CTNND2: variants seen among roughly 807,000 people sequenced by gnomAD.
CTNND2 encodes the protein catenin delta 2, also known as catenin delta-2.
In CTNND2, 22 loss-of-function variants were observed where a neutral mutation model predicts 144.4. The ratio of observed to expected loss-of-function variants is 0.15; its 90% CI spans 0.11 to 0.22. The LOEUF (loss-of-function observed/expected upper bound fraction) is 0.22, where lower values mean the gene tolerates loss of function less well. CTNND2 is among the 10% of genes least tolerant of loss of function. CTNND2 has a pLI of 1.00. For synonymous variants in CTNND2, 751 were observed against 695.6 expected, an observed-to-expected ratio of 1.08 and a Z score of -1.25; for missense variants, 1,353 against 1,618.8, an observed-to-expected ratio of 0.84 and a Z score of 2.82.
At chr5:11,626,831 C>T (rs936625873) in intron 2 of CTNND2, among the ~76,000 whole-genome samples, 1 of 152,194 alleles carries the variant, frequency 6.6e-6, no homozygotes, top group Non-Finnish European at 1.5e-5. Flanking sequence ...TGCATGAGCA[C>T]ACACATTCAC....
intron 1 of CTNND2, among the ~76,000 whole-genome samples, chr5:11,890,846 G>A (rs1217668212): frequency 1.3e-5 from 2 of 152,214 alleles, no homozygotes; most frequent in Admixed American, 6.5e-5. Flanking sequence ...AAAGTGGCTA[G>A]AGCCTAATAA....
intron 2 of CTNND2, among the ~76,000 whole-genome samples, chr5:11,699,595 T>C (rs1785324748): frequency 6.6e-6 from 1 of 152,092 alleles, no homozygotes; most frequent in African/African-American, 2.4e-5. Context: ...TATCATGAAT[T>C]GCAGAGAAAA....
intron 16 of CTNND2, among the ~76,000 whole-genome samples, chr5:11,061,821 GC>G (rs1192108127): frequency 3.9e-5 from 6 of 152,094 alleles, no homozygotes; most frequent in Non-Finnish European, 8.8e-5. Flanking sequence ...TGATTTTCCT[GC>G]CTCAGCCTCT....
chr5:11,127,758 C>T lies in CTNND2; in HGVS notation c.2160-10191G>A, dbSNP rs192172262. On this transcript the variant is annotated intron_variant, in intron 12 of 21. Transcript: ENST00000304623. ...GGTTCACAGACGGAGAGAAGTTCTT[C>T]CCCAGGAGCTGTACTTAACAGATTA... Among the ~76,000 whole-genome samples, 562 of 152,292 alleles carry T rather than the reference C, an allele frequency of 3.7e-3. 13 individuals carry two copies. Among genetic ancestry groups the T allele is most frequent in the Admixed American group, 0.031 (475 of 15,292 alleles).
chr5:11,714,267 AC>A, intron 2 of CTNND2, among the ~76,000 whole-genome samples: 1 of 152,292 alleles, frequency 6.6e-6, no homozygotes, highest in Middle Eastern at 3.4e-3. Flanking sequence ...AAATGCCTCA[AC>A]ACCTCTTTAA....
At chr5:11,812,094 T>C (rs141289865) in intron 1 of CTNND2, among the ~76,000 whole-genome samples, 2 of 152,248 alleles carry the variant, frequency 1.3e-5, no homozygotes, top group East Asian at 3.9e-4. Context: ...AGGTTCCAAA[T>C]AGTCAAAACT....
At chr5:11,564,259 G>A (rs1018737412) in intron 3 of CTNND2, among the ~76,000 whole-genome samples, 13 of 152,144 alleles carry the variant, frequency 8.5e-5, no homozygotes, top group African/African-American at 2.4e-4. Context: ...TAACAAGAGC[G>A]TTTTTGAGAA....
intron 11 of CTNND2, among the ~76,000 whole-genome samples, chr5:11,169,012 C>T (rs1417967342): frequency 6.6e-6 from 1 of 152,118 alleles, no homozygotes; most frequent in Non-Finnish European, 1.5e-5. Flanking sequence ...TAAGTGCTTG[C>T]TCTAGGAAAC....
intron 1 of CTNND2, among the ~76,000 whole-genome samples, chr5:11,890,048 G>A (rs1000567452): frequency 3.3e-5 from 5 of 152,054 alleles, no homozygotes; most frequent in Admixed American, 2.0e-4. Flanking sequence ...TATATGTTGT[G>A]TACTTCCAAT....
chr5:11,007,817 G>A (rs1450547740), intron 18 of CTNND2, among the ~76,000 whole-genome samples: 1 of 152,222 alleles, frequency 6.6e-6, no homozygotes, highest in Non-Finnish European at 1.5e-5. Context: ...CACACATAGC[G>A]TGGATGTCCA....
chr5:11,713,161 G>A (rs539048967), intron 2 of CTNND2, among the ~76,000 whole-genome samples: 2 of 152,162 alleles, frequency 1.3e-5, no homozygotes, highest in African/African-American at 4.8e-5. Flanking sequence ...TAGGATGACA[G>A]AAATCAATGT....
chr5:11,452,253 G>A (rs1000546689), intron 3 of CTNND2, among the ~76,000 whole-genome samples: 1 of 152,056 alleles, frequency 6.6e-6, no homozygotes, highest in African/African-American at 2.4e-5. Context: ...CAACTATTAT[G>A]GTGGATATAG....
chr5:11,130,302 G>A (rs549851407), intron 12 of CTNND2, among the ~76,000 whole-genome samples: 8 of 152,160 alleles, frequency 5.3e-5, no homozygotes, highest in Non-Finnish European at 8.8e-5. Context: ...AGAAAGGGAC[G>A]GAGGGCCCCT....
chr5:11,397,833 C>G (rs1431852671), intron 5 of CTNND2, among the ~76,000 whole-genome samples: 1 of 152,224 alleles, frequency 6.6e-6, no homozygotes, highest in East Asian at 1.9e-4. Flanking sequence ...TGTTCAAATT[C>G]ATGCCACGCA....
intron 2 of CTNND2, among the ~76,000 whole-genome samples, chr5:11,589,790 T>C (rs944414546): frequency 5.3e-5 from 8 of 152,212 alleles, no homozygotes; most frequent in Non-Finnish European, 1.0e-4. Flanking sequence ...GTCCACATTT[T>C]ATAATTAGAC....
chr5:11,071,314 G>T (rs1748257915), intron 16 of CTNND2, among the ~76,000 whole-genome samples: 1 of 152,146 alleles, frequency 6.6e-6, no homozygotes, highest in Admixed American at 6.5e-5. Flanking sequence ...GAGGCGGGCA[G>T]ATGGCTTAAG....
Position 11,894,340 on chromosome 5 carries a change from T to C in CTNND2, c.37+9477A>G, listed in dbSNP as rs1029275360. 2.6e-5 allele frequency among the ~76,000 whole-genome samples: 4 copies of C among 152,218 alleles called. 1 individual carries two copies. The highest frequency in any genetic ancestry group is 1.9e-4 in the East Asian group (1 of 5,196). ...ATACAAGAAACTTTTTGGGCCAATTTTGTATAACTTACAATATTTGAAGTG... is the reference window on the plus strand; with the variant it reads ...ATACAAGAAACTTTTTGGGCCAATTCTGTATAACTTACAATATTTGAAGTG... On this transcript the variant is annotated intron_variant, in intron 1 of 21. Coordinates refer to ENST00000304623, the MANE Select transcript of CTNND2 (RefSeq NM_001332.4).
intron 7 of CTNND2, among the ~76,000 whole-genome samples, chr5:11,365,384 C>T (rs893276829): frequency 6.6e-6 from 1 of 152,098 alleles, no homozygotes; most frequent in African/African-American, 2.4e-5. Context: ...AAGGATAAAG[C>T]AAAATGTTTG....
At chr5:11,046,070 G>A (rs1470288785) in intron 16 of CTNND2, among the ~76,000 whole-genome samples, 4 of 152,050 alleles carry the variant, frequency 2.6e-5, no homozygotes, top group East Asian at 1.9e-4. Context: ...GTATGCTGCC[G>A]GTTCTGGGTT....
Sources: gnomAD v4.1 joint callset for allele counts (sites outside exome capture counted in the v4.1 genomes callset) on GRCh38, gnomAD v4.1.1 for gene constraint, MANE v1.5 for transcripts, NCBI Gene and HGNC (gene_info 2026-07-23, HGNC 2026-07-21) for gene names.